Variants in BAALC observed in about 807,000 individuals in gnomAD.
The protein encoded by BAALC is brain and acute leukemia cytoplasmic protein.
A neutral mutation model predicts 15.5 loss-of-function variants in BAALC; 9 were observed. The observed-to-expected ratio is 0.58, with a 90% CI of 0.35 to 1.02. The LOEUF (loss-of-function observed/expected upper bound fraction) is 1.02, where lower values mean the gene tolerates loss of function less well. Among genes scored for constraint, BAALC ranks in the 50% least tolerant of loss-of-function variants. The pLI is 0.02. For missense variants in BAALC, 201 were observed against 192.4 expected (o/e 1.04, Z -0.27); for synonymous variants, 80 against 74.6 (o/e 1.07, Z -0.37).
intron 1 of BAALC, among the ~76,000 whole-genome samples, chr8:103,143,604 C>T (rs779592736): frequency 6.6e-6 from 1 of 152,206 alleles, no homozygotes; most frequent in Non-Finnish European, 1.5e-5. Flanking sequence ...AACACTCCTT[C>T]AACCACTCAC....
Position 103,199,890 on chromosome 8 carries a change from T to C in BAALC, c.161-13029T>C, listed in dbSNP as rs117415256. Among the ~76,000 whole-genome samples the C allele has an allele frequency of 7.9e-4, 121 of 152,340 alleles. 1 individual carries two copies. The East Asian group carries it at 0.023, about 28-fold the overall frequency. ...TGTTCTCATCATTAAGCTCCACTTATCAGTGAGAACATGTGGCATTTGTTT... is the reference window on the plus strand; with the variant it reads ...TGTTCTCATCATTAAGCTCCACTTACCAGTGAGAACATGTGGCATTTGTTT... On this transcript the variant is annotated intron_variant, in intron 1 of 2. Transcript: ENST00000309982.
intron 2 of BAALC, among the ~76,000 whole-genome samples, chr8:103,225,170 G>C (rs376979223): frequency 6.6e-6 from 1 of 152,188 alleles, no homozygotes; most frequent in African/African-American, 2.4e-5. Context: ...ATTGCCTACT[G>C]GTTGTTAAAG....
chr8:103,167,235 T>A (rs760524178), intron 1 of BAALC, among the ~76,000 whole-genome samples: 6 of 152,194 alleles, frequency 3.9e-5, no homozygotes, highest in Non-Finnish European at 8.8e-5. Flanking sequence ...ATGAATGAAT[T>A]TATTTATTCA....
intron 1 of BAALC, among the ~76,000 whole-genome samples, chr8:103,147,769 C>T (rs188921514): frequency 1.2e-3 from 185 of 152,326 alleles, no homozygotes; most frequent in African/African-American, 4.0e-3. Context: ...CTCAGCAGAC[C>T]TTTGGCCTCC....
At position 103,217,354 on chromosome 8, in the gene BAALC, T is replaced by C. The variant is rs147640702; in HGVS notation, c.327+4269T>C. Among the ~76,000 whole-genome samples, 900 of 152,352 alleles carry C rather than the reference T, an allele frequency of 5.9e-3. 5 individuals are homozygous for C. Among genetic ancestry groups the C allele is most frequent in the African/African-American group, 0.019 (804 of 41,582 alleles). On this transcript the variant is annotated intron_variant, in intron 2 of 2. Transcript: ENST00000309982. The stretch of plus-strand genomic sequence containing the variant: ...GCTAAGTTTACCTGTGATTGATGCT[T>C]CTGTCAGCAGAGCTACCTCATACCA...
intron 1 of BAALC, among the ~76,000 whole-genome samples, chr8:103,149,602 G>C (rs1187300889): frequency 3.3e-5 from 5 of 152,108 alleles, no homozygotes; most frequent in Non-Finnish European, 7.4e-5. Context: ...TTCCGGATGG[G>C]GGGATGGGAA....
At chr8:103,227,044 C>T (rs970022142) in intron 2 of BAALC, among the ~76,000 whole-genome samples, 1 of 152,170 alleles carries the variant, frequency 6.6e-6, no homozygotes, top group Admixed American at 6.5e-5. Flanking sequence ...CTCATTCACT[C>T]AACAGTGTTT....
At chr8:103,150,800 G>A (rs1359762734) in intron 1 of BAALC, among the ~76,000 whole-genome samples, 1 of 152,072 alleles carries the variant, frequency 6.6e-6, no homozygotes, top group Non-Finnish European at 1.5e-5. Flanking sequence ...TCTTCTCTAA[G>A]CCATTATCCT....
rs117400962 is a variant in BAALC, at chr8:103,192,473, A to G, written c.161-20446A>G. Reference sequence around the variant, plus strand: ...TCCTTCTCATTTAGATTGTGGCTATAGATACGGGATTATCCTTATTAATTC... The same window carrying G: ...TCCTTCTCATTTAGATTGTGGCTATGGATACGGGATTATCCTTATTAATTC... On this transcript the variant is annotated intron_variant, in intron 1 of 2. Transcript: ENST00000309982. Among the ~76,000 whole-genome samples, 521 of 152,330 alleles carry G rather than the reference A, an allele frequency of 3.4e-3. 24 individuals carry two copies. The East Asian group carries it at 0.095, about 28-fold the overall frequency.
Position 103,185,822 on chromosome 8 carries a change from A to C in BAALC, c.161-27097A>C, listed in dbSNP as rs150452404. On this transcript the variant is annotated intron_variant, in intron 1 of 2. Transcript: ENST00000309982. The stretch of plus-strand genomic sequence containing the variant: ...ATTAATGAAATAGTCACAAGTGTAC[A>C]AAGGACTTTGAACTTGAAATATAAG... 3.1e-4 allele frequency among the ~76,000 whole-genome samples: 48 copies of C among 152,384 alleles called. No individual in the cohort carries two copies. The East Asian group carries it at 7.7e-3, about 24-fold the overall frequency.
At chr8:103,218,978 T>G (rs1444666485) in intron 2 of BAALC, among the ~76,000 whole-genome samples, 3 of 152,060 alleles carry the variant, frequency 2.0e-5, no homozygotes, top group African/African-American at 7.2e-5. Flanking sequence ...AAAGTAAATA[T>G]GAGTCTCTCC....
At chr8:103,224,237 C>G (rs1418183254) in intron 2 of BAALC, among the ~76,000 whole-genome samples, 2 of 152,106 alleles carry the variant, frequency 1.3e-5, no homozygotes, top group Non-Finnish European at 2.9e-5. Flanking sequence ...GAGATTTATT[C>G]TGAGCCAAAT....
At chr8:103,226,733 GTAGA>G (rs1252611674) in intron 2 of BAALC, among the ~76,000 whole-genome samples, 23 of 152,168 alleles carry the variant, frequency 1.5e-4, no homozygotes, top group Non-Finnish European at 2.8e-4. Flanking sequence ...TTAGTTAGAA[GTAGA>G]TAGTCTATCC....
intron 1 of BAALC, among the ~76,000 whole-genome samples, chr8:103,179,151 C>T (rs1473100922): frequency 1.3e-5 from 2 of 152,212 alleles, no homozygotes; most frequent in African/African-American, 4.8e-5. Context: ...ATCAAATGTG[C>T]AAACCAAGTT....
chr8:103,160,020 CT>C (rs200934799), intron 1 of BAALC, among the ~76,000 whole-genome samples: 3 of 151,202 alleles, frequency 2.0e-5, no homozygotes, highest in Non-Finnish European at 3.0e-5. Context: ...AAACTTTATT[CT>C]TTTTTTTTAG....
intron 1 of BAALC, among the ~76,000 whole-genome samples, chr8:103,169,293 T>C (rs1811424076): frequency 6.6e-6 from 1 of 152,194 alleles, no homozygotes; most frequent in Admixed American, 6.5e-5. Flanking sequence ...TCATAGCATC[T>C]CATTCTTAGT....
intron 2 of BAALC, among the ~76,000 whole-genome samples, chr8:103,226,652 TAAAG>T (rs1483987589): frequency 1.3e-5 from 2 of 152,312 alleles, no homozygotes; most frequent in Admixed American, 6.5e-5. Context: ...CACATATACT[TAAAG>T]AACCTACAAT....
At chr8:103,216,771 C>T (rs772551094) in intron 2 of BAALC, among the ~76,000 whole-genome samples, 2 of 152,216 alleles carry the variant, frequency 1.3e-5, no homozygotes, top group South Asian at 4.1e-4. Context: ...CCATTGCACC[C>T]GGCCACTACC....
intron 1 of BAALC, among the ~76,000 whole-genome samples, chr8:103,177,856 T>C (rs1811640849): frequency 6.6e-6 from 1 of 152,258 alleles, no homozygotes; most frequent in Admixed American, 6.5e-5. Flanking sequence ...TGCACTATTC[T>C]AAGAGCTTTG....
Sources: gnomAD v4.1 joint callset for allele counts (sites outside exome capture counted in the v4.1 genomes callset) on GRCh38, gnomAD v4.1.1 for gene constraint, MANE v1.5 for transcripts, NCBI Gene and HGNC (gene_info 2026-07-23, HGNC 2026-07-21) for gene names.